Variants in IMPG1 observed in about 807,000 individuals in gnomAD.
The protein encoded by IMPG1 is interphotoreceptor matrix proteoglycan 1.
IMPG1 carries 85 observed loss-of-function variants against 92.0 expected under a neutral mutation model. The observed-to-expected ratio is 0.92, with a 90% CI of 0.78 to 1.11. The LOEUF (loss-of-function observed/expected upper bound fraction) is 1.11. Ranked by LOEUF, IMPG1 falls within the 50% of genes least tolerant of loss-of-function variation. IMPG1 has a pLI of 0.00. For synonymous variants in IMPG1, 367 were observed against 334.1 expected (o/e 1.10, Z -1.08); for missense variants, 1,022 against 956.0 (o/e 1.07, Z -0.91).
At chr6:76,024,129 T>C (rs1783482013) in intron 5 of IMPG1, among the ~76,000 whole-genome samples, 1 of 152,266 alleles carries the variant, frequency 6.6e-6, no homozygotes, top group East Asian at 1.9e-4. Flanking sequence ...TGTCCTATTA[T>C]TAGCTACAAG....
intron 12 of IMPG1, among the ~76,000 whole-genome samples, chr6:75,965,709 G>A (rs181509390): frequency 6.9e-6 from 1 of 145,010 alleles, no homozygotes; most frequent in Admixed American, 7.3e-5. Flanking sequence ...CTGGGTTCAC[G>A]CCATTCTCCT....
chr6:75,958,762 T>C (rs1782169042), intron 12 of IMPG1, among the ~76,000 whole-genome samples: 1 of 152,160 alleles, frequency 6.6e-6, no homozygotes, highest in Non-Finnish European at 1.5e-5. Flanking sequence ...GTTATTCTAG[T>C]TAGCAATTCC....
chr6:76,017,802 G>C (rs1783316662), intron 7 of IMPG1, among the ~76,000 whole-genome samples: 1 of 152,020 alleles, frequency 6.6e-6, no homozygotes, highest in Non-Finnish European at 1.5e-5. Context: ...ACCCAGGCTG[G>C]AGTGAAGTGG....
intron 5 of IMPG1, chr6:76,024,912 A>G (rs1372382827): frequency 4.1e-6 from 2 of 492,482 alleles, no homozygotes; most frequent in Non-Finnish European, 4.0e-6. Flanking sequence ...TAATATGTGT[A>G]TATAATAGAA....
At chr6:76,048,081 TA>T (rs1227599614) in intron 1 of IMPG1, among the ~76,000 whole-genome samples, 1 of 152,166 alleles carries the variant, frequency 6.6e-6, no homozygotes, top group Non-Finnish European at 1.5e-5. Flanking sequence ...CTATCATTAT[TA>T]CCTGGCTCTT....
chr6:76,023,819 CTTG>C (rs879375327), intron 5 of IMPG1, among the ~76,000 whole-genome samples: 3 of 152,124 alleles, frequency 2.0e-5, no homozygotes, highest in Non-Finnish European at 4.4e-5. Context: ...TAAATCTAAT[CTTG>C]TTATTACAAA....
At chr6:75,987,178 A>AGG (rs1247851999) in intron 12 of IMPG1, among the ~76,000 whole-genome samples, 1 of 152,032 alleles carries the variant, frequency 6.6e-6, no homozygotes, top group Admixed American at 6.6e-5. Context: ...CCTCACTGGG[A>AGG]GGGGTGTTCA....
chr6:75,922,023 T>C lies in IMPG1; in HGVS notation c.*66A>G. 1 of 759,332 alleles carries C rather than the reference T, an allele frequency of 1.3e-6. No homozygotes were observed. Among genetic ancestry groups the C allele is most frequent in the Non-Finnish European group, 2.3e-6 (1 of 432,972 alleles). 47.0% of individuals were successfully genotyped at this position (759,332 alleles called of 1,614,324 possible). A position where few individuals can be genotyped will look rare whatever the true frequency, so the allele number is the denominator to read the frequency against. ...TGACCCATGAATATGCCTGTCTCCA[T>C]TTTCCTTGAGAAGGCAAATCATCTC... On this transcript the variant is annotated 3_prime_UTR_variant, in exon 17 of 17. Transcript: ENST00000369950.
chr6:76,013,294 C>T (rs724941), intron 7 of IMPG1, among the ~76,000 whole-genome samples: 86,844 of 151,898 alleles, frequency 0.57, 25,967 homozygotes, highest in Non-Finnish European at 0.67. Flanking sequence ...CCATTCACTT[C>T]CTGCCATCAT....
At chr6:75,987,305 T>TC (rs1296160577) in intron 12 of IMPG1, among the ~76,000 whole-genome samples, 1 of 151,578 alleles carries the variant, frequency 6.6e-6, no homozygotes, top group Non-Finnish European at 1.5e-5. Flanking sequence ...CACAGTCTTT[T>TC]TTTTTTTTTT....
At chr6:76,047,146 C>T (rs1333841896) in intron 1 of IMPG1, among the ~76,000 whole-genome samples, 1 of 152,180 alleles carries the variant, frequency 6.6e-6, no homozygotes, top group Non-Finnish European at 1.5e-5. Flanking sequence ...CTAACATACC[C>T]TTTCACTGTG....
chr6:75,930,941 T>C lies in IMPG1; in HGVS notation c.2243+12A>G, dbSNP rs1288637866. 1.9e-6 allele frequency: 3 copies of C among 1,612,938 alleles called. No individual in the cohort carries two copies. The highest frequency in any genetic ancestry group is 2.2e-5 in the South Asian group (2 of 91,040). On this transcript the variant is annotated intron_variant, in intron 15 of 16. Transcript: ENST00000369950. ...AGTTCTTGAGTCTGTGACGTTAGCA[T>C]GCTTGACCCACCTGCATGGAGCTCC...
intron 2 of IMPG1, among the ~76,000 whole-genome samples, chr6:76,040,564 A>G (rs1783817840): frequency 6.6e-6 from 1 of 152,222 alleles, no homozygotes; most frequent in African/African-American, 2.4e-5. Context: ...ATTGGCTAGT[A>G]CCTGCTCTGT....
chr6:75,944,401 T>A (rs1179823413), intron 14 of IMPG1, among the ~76,000 whole-genome samples: 1 of 152,242 alleles, frequency 6.6e-6, no homozygotes, highest in East Asian at 1.9e-4. Context: ...GATGAATCCA[T>A]ACAGTTCATT....
In IMPG1 at chr6:76,038,035, A is replaced by G. The variant is rs558324538; in HGVS notation, c.302-3248T>C. On this transcript the variant is annotated intron_variant, in intron 2 of 16. Coordinates refer to ENST00000369950, the MANE Select transcript of IMPG1 (RefSeq NM_001563.4). ...GCCCAAACTCAGACTGGCAGGCATCATAACTGATGCAGACAGATGTATACA... is the reference window on the plus strand; with the variant it reads ...GCCCAAACTCAGACTGGCAGGCATCGTAACTGATGCAGACAGATGTATACA... 3.3e-5 allele frequency among the ~76,000 whole-genome samples: 5 copies of G among 152,322 alleles called. No individual in the cohort carries two copies. In the South Asian group the frequency reaches 1.0e-3, roughly 32 times the overall value.
intron 12 of IMPG1, among the ~76,000 whole-genome samples, chr6:75,959,728 C>T (rs768669150): frequency 1.3e-5 from 2 of 152,174 alleles, no homozygotes; most frequent in Non-Finnish European, 2.9e-5. Flanking sequence ...CAAGCTCAAG[C>T]ATCCCAGTTC....
intron 8 of IMPG1, among the ~76,000 whole-genome samples, chr6:76,007,723 G>A (rs1783121900): frequency 6.6e-6 from 1 of 152,080 alleles, no homozygotes; most frequent in Non-Finnish European, 1.5e-5. Flanking sequence ...ATCATTATAT[G>A]TTTCTGATTA....
intron 4 of IMPG1, among the ~76,000 whole-genome samples, chr6:76,027,782 AG>A (rs1783576485): frequency 6.6e-6 from 1 of 152,210 alleles, no homozygotes; most frequent in African/African-American, 2.4e-5. Context: ...GGGTTATAAA[AG>A]GTTTTTGCTT....
At chr6:76,026,984 T>G (rs1303052684) in intron 4 of IMPG1, among the ~76,000 whole-genome samples, 1 of 152,198 alleles carries the variant, frequency 6.6e-6, no homozygotes, top group Non-Finnish European at 1.5e-5. Flanking sequence ...AGTGACTAGG[T>G]TTTCTTCTGC....
Sources: allele counts gnomAD v4.1 joint callset (sites outside exome capture counted in the v4.1 genomes callset), GRCh38; gene constraint gnomAD v4.1.1; transcripts MANE v1.5; gene names NCBI Gene and HGNC (gene_info 2026-07-23, HGNC 2026-07-21).